Variants in PTPRT observed in about 807,000 individuals in gnomAD.
The protein encoded by PTPRT is receptor-type tyrosine-protein phosphatase T.
Under a neutral mutation model 176.8 loss-of-function variants are expected in PTPRT, and 56 were observed. The observed-to-expected ratio is 0.32, with a 90% CI of 0.26 to 0.40. The LOEUF is 0.40. Ranked by LOEUF, PTPRT falls within the 10% of genes least tolerant of loss-of-function variation. PTPRT has a pLI of 1.00. For missense variants in PTPRT, 1,540 were observed against 1,908.2 expected, an observed-to-expected ratio of 0.81 and a Z score of 3.60; for synonymous variants, 783 against 739.0, an observed-to-expected ratio of 1.06 and a Z score of -0.96.
At chr20:43,114,570 T>A (rs190354059) in intron 1 of PTPRT, among the ~76,000 whole-genome samples, 1 of 152,316 alleles carries the variant, frequency 6.6e-6, no homozygotes, top group Admixed American at 6.5e-5. Flanking sequence ...ATAAAATACA[T>A]AGAGTTTGAG....
intron 7 of PTPRT, among the ~76,000 whole-genome samples, chr20:42,664,801 C>T (rs2075284449): frequency 6.6e-6 from 1 of 152,068 alleles, no homozygotes; most frequent in Non-Finnish European, 1.5e-5. Context: ...CACATATCTA[C>T]AACTATCTGA....
chr20:42,735,930 C>T (rs1052841772), intron 6 of PTPRT, among the ~76,000 whole-genome samples: 1 of 152,150 alleles, frequency 6.6e-6, no homozygotes, highest in Admixed American at 6.5e-5. Flanking sequence ...CTAAGCCTCT[C>T]TAAGTCTCTG....
At chr20:43,159,426 C>T (rs2014623181) in intron 1 of PTPRT, among the ~76,000 whole-genome samples, 1 of 152,230 alleles carries the variant, frequency 6.6e-6, no homozygotes, top group South Asian at 2.1e-4. Flanking sequence ...CCCAGCTTCT[C>T]TGAGCCTCAG....
chr20:43,181,128 A>C (rs1327575190), intron 1 of PTPRT, among the ~76,000 whole-genome samples: 1 of 152,164 alleles, frequency 6.6e-6, no homozygotes, highest in African/African-American at 2.4e-5. Flanking sequence ...TGAGAGACGG[A>C]GGTCCTCAAG....
At chr20:43,073,195 C>G (rs2011203677) in intron 1 of PTPRT, among the ~76,000 whole-genome samples, 1 of 152,156 alleles carries the variant, frequency 6.6e-6, no homozygotes. Flanking sequence ...ATGCAATCAG[C>G]TACCTAGAGA....
At chr20:42,441,778 C>T (rs549794959) in intron 9 of PTPRT, among the ~76,000 whole-genome samples, 4 of 152,348 alleles carry the variant, frequency 2.6e-5, no homozygotes, top group African/African-American at 9.6e-5. Flanking sequence ...ATGACGCTCT[C>T]ATTTCTGGCT....
rs529424180 is a variant in PTPRT, at chr20:42,134,780, T to C, written c.2771-5950A>G. Reference sequence around the variant, plus strand: ...CACAAAATTCCTGAAAATTTAACAATCTGCTTTTGCAAGCTGGTATGAGTC... The same window carrying C: ...CACAAAATTCCTGAAAATTTAACAACCTGCTTTTGCAAGCTGGTATGAGTC... On this transcript the variant is annotated intron_variant, in intron 18 of 30. Coordinates refer to ENST00000373187, the MANE Select transcript of PTPRT (RefSeq NM_007050.6). 3.4e-4 allele frequency among the ~76,000 whole-genome samples: 52 copies of C among 152,212 alleles called. No homozygotes were observed. In the South Asian group the frequency reaches 0.011, roughly 32 times the overall value.
chr20:42,963,547 T>C (rs944751221), intron 1 of PTPRT, among the ~76,000 whole-genome samples: 2 of 151,968 alleles, frequency 1.3e-5, no homozygotes, highest in South Asian at 2.1e-4. Flanking sequence ...TTCTTAAAAA[T>C]TGATGTATAT....
In PTPRT at chr20:42,516,562, C is replaced by T. The variant is rs143269503; in HGVS notation, c.1154-44000G>A. On this transcript the variant is annotated intron_variant, in intron 7 of 30. Coordinates refer to ENST00000373187, the MANE Select transcript of PTPRT (RefSeq NM_007050.6). ...ACATTAATGTTGGTAGATTTTTAAA[C>T]AGTTTACATTTGGGGGATATGGCTA... 4.6e-3 allele frequency among the ~76,000 whole-genome samples: 700 copies of T among 152,188 alleles called. 4 individuals carry two copies. Among genetic ancestry groups the T allele is most frequent in the African/African-American group, 0.016 (668 of 41,540 alleles).
At chr20:42,988,940 T>C (rs1313309052) in intron 1 of PTPRT, among the ~76,000 whole-genome samples, 1 of 152,240 alleles carries the variant, frequency 6.6e-6, no homozygotes, top group East Asian at 1.9e-4. Flanking sequence ...CTTCACATGC[T>C]TTATCCCTAA....
chr20:42,880,385 T>C (rs2078996733), intron 2 of PTPRT, among the ~76,000 whole-genome samples: 1 of 152,336 alleles, frequency 6.6e-6, no homozygotes, highest in Non-Finnish European at 1.5e-5. Flanking sequence ...GTATTTCTTA[T>C]GTACCTGATT....
At chr20:42,948,134 CTCCG>C in intron 1 of PTPRT, among the ~76,000 whole-genome samples, 1 of 152,318 alleles carries the variant, frequency 6.6e-6, no homozygotes, top group African/African-American at 2.4e-5. Flanking sequence ...TCCCTGAGGA[CTCCG>C]TCCATCTCAG....
chr20:42,873,314 A>T (rs1490760683), intron 2 of PTPRT, among the ~76,000 whole-genome samples: 1 of 152,210 alleles, frequency 6.6e-6, no homozygotes, highest in Non-Finnish European at 1.5e-5. Flanking sequence ...CCATCTATAA[A>T]GTGGGAACAC....
At chr20:42,385,957 T>A (rs993784376) in intron 9 of PTPRT, among the ~76,000 whole-genome samples, 4 of 152,244 alleles carry the variant, frequency 2.6e-5, no homozygotes, top group African/African-American at 7.2e-5. Flanking sequence ...GATCTCATGC[T>A]AAGTTTTCTT....
At chr20:42,636,451 A>T (rs534673465) in intron 7 of PTPRT, among the ~76,000 whole-genome samples, 4 of 152,102 alleles carry the variant, frequency 2.6e-5, no homozygotes, top group Non-Finnish European at 5.9e-5. Context: ...AGAGTGTGAT[A>T]TAATCACCAA....
chr20:42,551,348 A>G (rs979044414), intron 7 of PTPRT, among the ~76,000 whole-genome samples: 3 of 152,088 alleles, frequency 2.0e-5, no homozygotes, highest in African/African-American at 7.2e-5. Context: ...CACACACAAA[A>G]AGCAATTTAA....
intron 12 of PTPRT, among the ~76,000 whole-genome samples, chr20:42,284,285 G>A (rs150152384): frequency 1.2e-4 from 18 of 151,790 alleles, no homozygotes; most frequent in South Asian, 2.1e-4. Flanking sequence ...GTGTTTATCC[G>A]TCTCCCCCAA....
chr20:42,924,404 T>TAGCATCTGAGGACAGCATTCACC (rs1223907319), intron 1 of PTPRT, among the ~76,000 whole-genome samples: 13 of 152,310 alleles, frequency 8.5e-5, no homozygotes, highest in African/African-American at 3.1e-4. Flanking sequence ...CAGCATTCAC[T>TAGCATCTGAGGACAGCATTCACC]AGCATCTGAG....
chr20:42,837,513 C>T (rs1023095872), intron 2 of PTPRT, among the ~76,000 whole-genome samples: 34 of 152,286 alleles, frequency 2.2e-4, no homozygotes, highest in Admixed American at 6.5e-4. Flanking sequence ...AGGGAAGGAC[C>T]AATCTCGGGC....
Sources: gnomAD v4.1 joint callset for allele counts (sites outside exome capture counted in the v4.1 genomes callset) on GRCh38, gnomAD v4.1.1 for gene constraint, MANE v1.5 for transcripts, NCBI Gene and HGNC (gene_info 2026-07-23, HGNC 2026-07-21) for gene names.